ADARB2: variants seen among roughly 807,000 people sequenced by gnomAD.
The protein encoded by ADARB2 is adenosine deaminase RNA specific B2 (inactive), also known as inactive double-stranded RNA-specific editase B2.
ADARB2 carries 25 observed loss-of-function variants against 62.2 expected under a neutral mutation model. The ratio of observed to expected loss-of-function variants is 0.40; its 90% confidence interval spans 0.29 to 0.56. ADARB2 has a LOEUF of 0.56. Among genes scored for constraint, ADARB2 ranks in the 20% least tolerant of loss-of-function variants. The pLI, the probability that ADARB2 is intolerant of heterozygous loss-of-function variation, is 0.43. For synonymous variants in ADARB2, 572 were observed against 500.8 expected (o/e 1.14, Z -1.90); for missense variants, 1,071 against 1,077.4 (o/e 0.99, Z 0.08).
intron 1 of ADARB2, among the ~76,000 whole-genome samples, chr10:1,561,264 G>C (rs1832782309): frequency 6.6e-6 from 1 of 152,144 alleles, no homozygotes. Flanking sequence ...GTGTGTAATT[G>C]GCACGTGTGC....
chr10:1,275,780 GT>G (rs1437541571), intron 3 of ADARB2, among the ~76,000 whole-genome samples: 1 of 151,480 alleles, frequency 6.6e-6, no homozygotes, highest in African/African-American at 2.4e-5. Context: ...CTTTGCAATA[GT>G]TTGCTGAGAA....
intron 2 of ADARB2, among the ~76,000 whole-genome samples, chr10:1,365,469 C>T (rs1412180867): frequency 6.6e-6 from 1 of 152,144 alleles, no homozygotes; most frequent in Admixed American, 6.5e-5. Context: ...AGAGTCACTC[C>T]TCTCTCACTT....
chr10:1,623,823 T>A (rs1875007), intron 1 of ADARB2, among the ~76,000 whole-genome samples: 3 of 152,240 alleles, frequency 2.0e-5, no homozygotes, highest in Non-Finnish European at 4.4e-5. Context: ...CAGCATTTAA[T>A]CCTCAAACAG....
chr10:1,336,850 T>G (rs954762248), intron 3 of ADARB2, among the ~76,000 whole-genome samples: 1 of 152,168 alleles, frequency 6.6e-6, no homozygotes, highest in Non-Finnish European at 1.5e-5. Context: ...CGTTGGTGAT[T>G]CTCAGTGGTG....
intron 1 of ADARB2, among the ~76,000 whole-genome samples, chr10:1,697,951 G>A (rs757208457): frequency 1.8e-4 from 27 of 152,196 alleles, no homozygotes; most frequent in Non-Finnish European, 3.8e-4. Context: ...GAGCGGTTGG[G>A]AATGGATAGT....
intron 1 of ADARB2, among the ~76,000 whole-genome samples, chr10:1,463,244 C>G (rs183487667): frequency 6.6e-6 from 1 of 152,146 alleles, no homozygotes; most frequent in Non-Finnish European, 1.5e-5. Flanking sequence ...GCAGTGTTTC[C>G]TCTCTGGGGC....
At chr10:1,312,896 T>A (rs1307690163) in intron 3 of ADARB2, among the ~76,000 whole-genome samples, 1 of 152,178 alleles carries the variant, frequency 6.6e-6, no homozygotes, top group Admixed American at 6.5e-5. Flanking sequence ...TGTCTTCCAT[T>A]TTGTGTGTTT....
chr10:1,690,400 T>C (rs1429830340), intron 1 of ADARB2, among the ~76,000 whole-genome samples: 1 of 152,174 alleles, frequency 6.6e-6, no homozygotes, highest in Non-Finnish European at 1.5e-5. Context: ...CCAAAGCTTT[T>C]GTGTTAAGAA....
intron 7 of ADARB2, among the ~76,000 whole-genome samples, chr10:1,206,656 C>T (rs1456723516): frequency 2.6e-5 from 4 of 152,158 alleles, no homozygotes; most frequent in Admixed American, 6.5e-5. Flanking sequence ...AGATGGCGCC[C>T]ATGAGATGAC....
At chr10:1,323,720 A>G (rs1245505074) in intron 3 of ADARB2, among the ~76,000 whole-genome samples, 1 of 152,206 alleles carries the variant, frequency 6.6e-6, no homozygotes, top group Non-Finnish European at 1.5e-5. Flanking sequence ...TAAACTGTAA[A>G]TCCCACATCT....
intron 1 of ADARB2, among the ~76,000 whole-genome samples, chr10:1,669,452 A>G (rs1834353255): frequency 6.6e-6 from 1 of 152,082 alleles, no homozygotes; most frequent in Non-Finnish European, 1.5e-5. Flanking sequence ...AGACACACAA[A>G]CAGGGAGACA....
intron 1 of ADARB2, among the ~76,000 whole-genome samples, chr10:1,510,169 T>TA (rs1831918138): frequency 1.1e-5 from 1 of 88,632 alleles, no homozygotes; most frequent in African/African-American, 4.0e-5. Flanking sequence ...TCTTTCTTTC[T>TA]TTTTCTTTCT....
chr10:1,391,313 G>A (rs1003970768), intron 1 of ADARB2, among the ~76,000 whole-genome samples: 1 of 152,248 alleles, frequency 6.6e-6, no homozygotes, highest in African/African-American at 2.4e-5. Flanking sequence ...GGAGGGACCT[G>A]TGCACTAGGG....
chr10:1,408,026 GCTCACA>G (rs2131876889), intron 1 of ADARB2, among the ~76,000 whole-genome samples: 1 of 152,256 alleles, frequency 6.6e-6, no homozygotes, highest in South Asian at 2.1e-4. Context: ...CCTTCCAAGG[GCTCACA>G]CTGTTAATTA....
chr10:1,414,886 G>A (rs1832788891), intron 1 of ADARB2, among the ~76,000 whole-genome samples: 1 of 152,224 alleles, frequency 6.6e-6, no homozygotes, highest in Non-Finnish European at 1.5e-5. Context: ...CTCATGGATG[G>A]TTAGATAGAT....
chr10:1,730,253 C>T (rs1168214248), intron 1 of ADARB2, among the ~76,000 whole-genome samples: 2 of 152,108 alleles, frequency 1.3e-5, no homozygotes, highest in East Asian at 1.9e-4. Context: ...CAGTGATGAA[C>T]GTGGCCAGAT....
At chr10:1,409,632 GCCGAGGC>G (rs1832739775) in intron 1 of ADARB2, among the ~76,000 whole-genome samples, 1 of 146,240 alleles carries the variant, frequency 6.8e-6, no homozygotes. Flanking sequence ...TGTCAGTGGT[GCCGAGGC>G]CTGGCTGTGG....
intron 3 of ADARB2, among the ~76,000 whole-genome samples, chr10:1,284,883 TCTGGCCCAC>T (rs1205793878): frequency 2.6e-5 from 4 of 152,122 alleles, no homozygotes; most frequent in Non-Finnish European, 5.9e-5. Context: ...ACCCTCATGG[TCTGGCCCAC>T]CTTCAGTCCT....
chr10:1,388,203 C>T (rs1015987446), intron 1 of ADARB2, among the ~76,000 whole-genome samples: 1 of 152,126 alleles, frequency 6.6e-6, no homozygotes, highest in African/African-American at 2.4e-5. Flanking sequence ...TGAAAATTCT[C>T]ACCACACAAA....
Sources: allele counts gnomAD v4.1 joint callset (sites outside exome capture counted in the v4.1 genomes callset), GRCh38; gene constraint gnomAD v4.1.1; transcripts MANE v1.5; gene names NCBI Gene and HGNC (gene_info 2026-07-23, HGNC 2026-07-21).